The following RNGTT variants were observed in gnomAD, a reference collection of about 807,000 sequenced individuals.
RNGTT encodes the protein RNA guanylyltransferase and 5'-phosphatase.
RNGTT carries 33 observed loss-of-function variants against 79.3 expected under a neutral mutation model. The observed-to-expected ratio is 0.42, with a 90% confidence interval of 0.32 to 0.56. RNGTT has a LOEUF of 0.56. Ranked by LOEUF, RNGTT falls within the 20% of genes least tolerant of loss-of-function variation. The pLI is 0.17. For missense variants in RNGTT, 497 were observed against 739.1 expected, an observed-to-expected ratio of 0.67 and a Z score of 3.80; for synonymous variants, 222 against 235.9, an observed-to-expected ratio of 0.94 and a Z score of 0.54.
At chr6:88,901,492 G>C (rs1041489719) in intron 6 of RNGTT, among the ~76,000 whole-genome samples, 1 of 108,402 alleles carries the variant, frequency 9.2e-6, no homozygotes, top group Non-Finnish European at 1.9e-5. Flanking sequence ...CAAGCACCCT[G>C]ATCTTTTTTT....
chr6:88,617,478 C>G (rs929098188), intron 14 of RNGTT, among the ~76,000 whole-genome samples: 1 of 152,140 alleles, frequency 6.6e-6, no homozygotes, highest in Non-Finnish European at 1.5e-5. Flanking sequence ...GCCCTTGTGG[C>G]AAATCATTTG....
rs1313675163 is a variant in RNGTT at position 88,611,662 on chromosome 6, G to A, written c.*1057C>T. The stretch of plus-strand genomic sequence containing the variant: ...AATGTCTTGATTTCCTTGATATTTA[G>A]TTCCTACAGATGTCTACACTTTGCC... On this transcript the variant is annotated 3_prime_UTR_variant, in exon 16 of 16. Coordinates refer to ENST00000369485, the MANE Select transcript of RNGTT (RefSeq NM_003800.5). 2 of 152,474 alleles carry A rather than the reference G, an allele frequency of 1.3e-5. No homozygotes were observed. The highest frequency in any genetic ancestry group is 3.8e-4 in the East Asian group (2 of 5,202). The allele number at this position is 152,474 out of a possible 1,614,324, so 9.4% of individuals were successfully genotyped here. A position where few individuals can be genotyped will look rare whatever the true frequency, so the allele number is the denominator to read the frequency against.
chr6:88,882,109 T>G (rs1463748439), intron 8 of RNGTT, among the ~76,000 whole-genome samples: 2 of 152,180 alleles, frequency 1.3e-5, no homozygotes, highest in Non-Finnish European at 2.9e-5. Flanking sequence ...AATCTGTACT[T>G]TCAATCCATA....
At chr6:88,686,544 A>G (rs190770766) in intron 13 of RNGTT, among the ~76,000 whole-genome samples, 1 of 152,260 alleles carries the variant, frequency 6.6e-6, no homozygotes, top group African/African-American at 2.4e-5. Flanking sequence ...AAGCTTTAGC[A>G]ATAATGAAAA....
At chr6:88,911,520 A>AT (rs565667463) in intron 4 of RNGTT, among the ~76,000 whole-genome samples, 91 of 151,892 alleles carry the variant, frequency 6.0e-4, no homozygotes, top group Non-Finnish European at 1.2e-3. Context: ...GTCTCAATAA[A>AT]TTTTTTTTTA....
At chr6:88,848,128 T>TC (rs1781546258) in intron 10 of RNGTT, among the ~76,000 whole-genome samples, 1 of 151,742 alleles carries the variant, frequency 6.6e-6, no homozygotes, top group Non-Finnish European at 1.5e-5. Context: ...ACCTTGTTAG[T>TC]AATCAAGGAA....
chr6:88,675,164 C>A (rs1774819228), intron 14 of RNGTT, among the ~76,000 whole-genome samples: 1 of 150,888 alleles, frequency 6.6e-6, no homozygotes, highest in Non-Finnish European at 1.5e-5. Context: ...CAAAAAAAAA[C>A]TGAGTGTCTC....
rs1189457301 is a variant in RNGTT, at chr6:88,614,383, GCTCTTTTGTCAC to G, written c.1507_1518del (p.Val503_Glu506del). 1.2e-6 allele frequency: 2 copies of G among 1,613,216 alleles called. No individual in the cohort carries two copies. Among genetic ancestry groups the G allele is most frequent in the African/African-American group, 2.7e-5 (2 of 74,896 alleles). Reference sequence around the variant, plus strand: ...ATAATTTTGTTGTCATACTGTTTCAGCTCTTTTGTCACCTGTTTTGAAAGAGAATTGAGGAAA... The same window carrying G: ...ATAATTTTGTTGTCATACTGTTTCAGCTGTTTTGAAAGAGAATTGAGGAAA... On this transcript the variant is annotated inframe_deletion and splice_region_variant, in exon 15 of 16. Coordinates refer to ENST00000369485, the MANE Select transcript of RNGTT (RefSeq NM_003800.5).
intron 1 of RNGTT, among the ~76,000 whole-genome samples, chr6:88,945,753 A>ATC (rs1438759107): frequency 1.3e-5 from 2 of 152,206 alleles, no homozygotes; most frequent in African/African-American, 4.8e-5. Flanking sequence ...AGGGCCATGT[A>ATC]TCTGGATTCT....
intron 11 of RNGTT, among the ~76,000 whole-genome samples, chr6:88,804,497 T>C (rs920752492): frequency 2.6e-5 from 4 of 152,152 alleles, no homozygotes. Flanking sequence ...AAAAATTTTA[T>C]AGACTTTAAA....
chr6:88,801,311 G>C (rs549883524), intron 12 of RNGTT, among the ~76,000 whole-genome samples: 4 of 152,032 alleles, frequency 2.6e-5, no homozygotes, highest in African/African-American at 9.7e-5. Flanking sequence ...GAAATGTAAC[G>C]ACCAAAAATG....
At chr6:88,622,045 T>C (rs1251918395) in intron 14 of RNGTT, among the ~76,000 whole-genome samples, 2 of 152,188 alleles carry the variant, frequency 1.3e-5, no homozygotes, top group African/African-American at 4.8e-5. Context: ...CCTTTTTCTG[T>C]ATATAAAACT....
intron 8 of RNGTT, among the ~76,000 whole-genome samples, chr6:88,871,936 T>C (rs1782370820): frequency 6.6e-6 from 1 of 152,168 alleles, no homozygotes; most frequent in African/African-American, 2.4e-5. Context: ...TTACCTCCTA[T>C]TTGTTCCTCT....
intron 11 of RNGTT, among the ~76,000 whole-genome samples, chr6:88,836,098 T>C (rs918802063): frequency 6.7e-6 from 1 of 149,082 alleles, no homozygotes; most frequent in Non-Finnish European, 1.5e-5. Flanking sequence ...TATATATATA[T>C]GATTTACTAC....
intron 14 of RNGTT, among the ~76,000 whole-genome samples, chr6:88,674,725 C>T (rs961377847): frequency 2.0e-5 from 3 of 151,698 alleles, no homozygotes; most frequent in African/African-American, 7.3e-5. Context: ...AGAAAAATAA[C>T]ACATGGAGCC....
intron 2 of RNGTT, among the ~76,000 whole-genome samples, chr6:88,930,176 ATG>A (rs1278003043): frequency 6.7e-6 from 1 of 148,290 alleles, no homozygotes; most frequent in Non-Finnish European, 1.5e-5. Context: ...ATATACATAT[ATG>A]TATATACATA....
intron 11 of RNGTT, among the ~76,000 whole-genome samples, chr6:88,819,608 C>T (rs1181240588): frequency 6.6e-6 from 1 of 152,168 alleles, no homozygotes; most frequent in African/African-American, 2.4e-5. Flanking sequence ...CATCAAACTA[C>T]CAACAAGGAC....
At chr6:88,909,264 A>T (rs1267204886) in intron 4 of RNGTT, among the ~76,000 whole-genome samples, 6 of 152,210 alleles carry the variant, frequency 3.9e-5, no homozygotes, top group Non-Finnish European at 8.8e-5. Context: ...CTCCTGAGAC[A>T]GACATCAGAC....
chr6:88,927,679 C>T lies in RNGTT; in HGVS notation c.367+1306G>A, dbSNP rs541604985. On this transcript the variant is annotated intron_variant, in intron 4 of 15. Transcript: ENST00000369485. The stretch of plus-strand genomic sequence containing the variant: ...CTCCATCTCAAAAAAAAAAAAAATA[C>T]AAAAATTAGCAGGGTGTGGTAGTGC... Among the ~76,000 whole-genome samples, 325 of 138,720 alleles carry T rather than the reference C, an allele frequency of 2.3e-3. 1 individual carries two copies. The highest frequency in any genetic ancestry group is 8.4e-3 in the African/African-American group (310 of 36,754). 91.0% of individuals were successfully genotyped at this position (138,720 alleles called of 152,430 possible).
Sources: allele counts gnomAD v4.1 joint callset (sites outside exome capture counted in the v4.1 genomes callset), GRCh38; gene constraint gnomAD v4.1.1; transcripts MANE v1.5; gene names NCBI Gene and HGNC (gene_info 2026-07-23, HGNC 2026-07-21).